ADAM9: variants seen among roughly 807,000 people sequenced by gnomAD.
ADAM9 encodes ADAM metallopeptidase domain 9.
In ADAM9, 54 loss-of-function variants were observed where a neutral mutation model predicts 108.1. That is an observed-to-expected ratio of 0.50 (90% CI 0.40 to 0.63). The LOEUF (loss-of-function observed/expected upper bound fraction) is 0.63, where lower values mean the gene tolerates loss of function less well. ADAM9 is among the 20% of genes least tolerant of loss of function. The pLI, the probability that ADAM9 is intolerant of heterozygous loss-of-function variation, is 0.00. For missense variants in ADAM9, 830 were observed against 997.7 expected (o/e 0.83, Z 2.26); for synonymous variants, 316 against 336.0 (o/e 0.94, Z 0.65).
intron 20 of ADAM9, among the ~76,000 whole-genome samples, chr8:39,092,861 G>A (rs1839397971): frequency 6.6e-6 from 1 of 152,126 alleles, no homozygotes; most frequent in Non-Finnish European, 1.5e-5. Context: ...ATTAATTGAA[G>A]TGACTGTCCC....
At chr8:39,066,678 A>G (rs1417295448) in intron 14 of ADAM9, among the ~76,000 whole-genome samples, 1 of 152,170 alleles carries the variant, frequency 6.6e-6, no homozygotes, top group Non-Finnish European at 1.5e-5. Flanking sequence ...TAGATTGCAA[A>G]AATTTTCTCT....
chr8:39,088,398 G>T (rs1177097928), intron 18 of ADAM9, among the ~76,000 whole-genome samples: 1 of 152,014 alleles, frequency 6.6e-6, no homozygotes, highest in East Asian at 1.9e-4. Flanking sequence ...GGGACTACAG[G>T]CGCCTGCCAC....
intron 4 of ADAM9, chr8:39,014,461 A>T (rs539344713): frequency 1.5e-6 from 1 of 670,612 alleles, no homozygotes; most frequent in Non-Finnish European, 2.7e-6. Context: ...AATGTTCTAA[A>T]TTTTTTCTGA....
intron 19 of ADAM9, among the ~76,000 whole-genome samples, chr8:39,090,999 G>A (rs563208012): frequency 3.3e-5 from 5 of 152,188 alleles, no homozygotes; most frequent in Admixed American, 3.3e-4. Flanking sequence ...GGGAACATTG[G>A]CCTAATTGAC....
intron 14 of ADAM9, among the ~76,000 whole-genome samples, chr8:39,057,880 A>C (rs1338355638): frequency 6.6e-6 from 1 of 152,090 alleles, no homozygotes; most frequent in Non-Finnish European, 1.5e-5. Flanking sequence ...GGCTCAGTCA[A>C]ATTAACTCTA....
chr8:39,097,634 A>T lies in ADAM9; in HGVS notation c.2299-4229A>T, dbSNP rs186123445. 5.6e-3 allele frequency among the ~76,000 whole-genome samples: 853 copies of T among 151,974 alleles called. 4 individuals are homozygous for T. Among genetic ancestry groups the T allele is most frequent in the Admixed American group, 9.0e-3 (138 of 15,258 alleles). On this transcript the variant is annotated intron_variant, in intron 20 of 21. Transcript: ENST00000487273. ...GTCTAGTATTTTAAGTCTTTTTTTTAAAAAAATTCTACAATATAGATATGA... is the reference window on the plus strand; with the variant it reads ...GTCTAGTATTTTAAGTCTTTTTTTTTAAAAAATTCTACAATATAGATATGA...
At chr8:39,030,978 G>A (rs909919690) in intron 11 of ADAM9, among the ~76,000 whole-genome samples, 2 of 152,164 alleles carry the variant, frequency 1.3e-5, no homozygotes, top group African/African-American at 4.8e-5. Flanking sequence ...CTTTGGATAA[G>A]AGTCTTTTAT....
intron 11 of ADAM9, among the ~76,000 whole-genome samples, chr8:39,037,177 C>T (rs1482441624): frequency 2.7e-5 from 4 of 148,998 alleles, no homozygotes; most frequent in Admixed American, 6.7e-5. Flanking sequence ...CTGCCTCAGC[C>T]TCTCTGAGTA....
chr8:39,104,397 ATAT>A lies in ADAM9; in HGVS notation c.*700_*702del, dbSNP rs886062927. The A allele has an allele frequency of 1.6e-5, 7 of 436,310 alleles. No individual in the cohort carries two copies. The highest frequency in any genetic ancestry group is 2.8e-5 in the Non-Finnish European group (6 of 217,678). The allele number at this position is 436,310 out of a possible 1,614,324, so 27.0% of individuals were successfully genotyped here. On this transcript the variant is annotated 3_prime_UTR_variant, in exon 22 of 22. Transcript: ENST00000487273. The stretch of plus-strand genomic sequence containing the variant: ...AATAACTCTTAGAGAAATTAATTTA[ATAT>A]TAGAATTTCTATTATGAATCATGTG...
chr8:39,075,441 G>A (rs570439318), intron 15 of ADAM9, among the ~76,000 whole-genome samples: 70 of 152,220 alleles, frequency 4.6e-4, no homozygotes, highest in African/African-American at 1.6e-3. Context: ...CCTGACCAGT[G>A]TTTCACTTTA....
Position 39,082,738 on chromosome 8 carries a change from T to TTTGGC in ADAM9, c.1962+21_1962+25dup. On this transcript the variant is annotated intron_variant, in intron 17 of 21. Coordinates refer to ENST00000487273, the MANE Select transcript of ADAM9 (RefSeq NM_003816.3). The stretch of plus-strand genomic sequence containing the variant: ...GGACATGGGGTAGGTAATGTTTTCT[T>TTTGGC]TTGGCTTGTTCCTGAAAGTAGTGCT... 1 of 1,606,494 alleles carries TTTGGC rather than the reference T, an allele frequency of 6.2e-7. No homozygotes were observed. Among genetic ancestry groups the TTTGGC allele is most frequent in the South Asian group, 1.1e-5 (1 of 90,916 alleles).
chr8:39,014,294 G>T (rs376641202), intron 4 of ADAM9: 2 of 563,332 alleles, frequency 3.6e-6, no homozygotes, highest in Non-Finnish European at 6.2e-6. Context: ...CTATTTAATG[G>T]TAATCCTTAC....
intron 1 of ADAM9, among the ~76,000 whole-genome samples, chr8:39,001,206 A>C (rs548570026): frequency 1.8e-4 from 27 of 152,242 alleles, no homozygotes; most frequent in Non-Finnish European, 3.7e-4. Flanking sequence ...CAATACAATG[A>C]AATACGATTT....
At chr8:39,014,279 ATCT>A (rs751497733) in intron 4 of ADAM9, 2 of 567,838 alleles carry the variant, frequency 3.5e-6, no homozygotes, top group Non-Finnish European at 6.2e-6. Context: ...AGGAAAATAA[ATCT>A]TCTATTTAAT....
At chr8:39,035,943 T>C (rs1837258878) in intron 11 of ADAM9, among the ~76,000 whole-genome samples, 1 of 152,234 alleles carries the variant, frequency 6.6e-6, no homozygotes, top group Non-Finnish European at 1.5e-5. Flanking sequence ...CAAGCTGATA[T>C]TAAACTTTCT....
intron 12 of ADAM9, among the ~76,000 whole-genome samples, chr8:39,043,787 A>C (rs1229374607): frequency 2.0e-5 from 3 of 152,010 alleles, no homozygotes; most frequent in Non-Finnish European, 4.4e-5. Context: ...CCATGCTCCC[A>C]CTTTTTGGGG....
rs1837609365 is a variant in ADAM9, at chr8:39,045,081, T to TATGTGTGCGC, written c.1302+2964_1302+2965insATGTGTGCGC. On this transcript the variant is annotated intron_variant, in intron 12 of 21. Coordinates refer to ENST00000487273, the MANE Select transcript of ADAM9 (RefSeq NM_003816.3). ...GTGTGCATACATACATATGTGTGTG[T>TATGTGTGCGC]GCATACATACATATGTGTGTGTGCA... 9.8e-5 allele frequency among the ~76,000 whole-genome samples: 3 copies of TATGTGTGCGC among 30,482 alleles called. 1 individual carries two copies. Among genetic ancestry groups the TATGTGTGCGC allele is most frequent in the African/African-American group, 4.0e-4 (3 of 7,482 alleles). The allele number at this position is 30,482 out of a possible 152,430, so 20.0% of individuals were successfully genotyped here.
rs1216705288 is a variant in ADAM9, at chr8:39,105,039, T to TA, written c.*1341dup. 1 of 411,140 alleles carries TA rather than the reference T, an allele frequency of 2.4e-6. No individual in the cohort carries two copies. 25.5% of individuals were successfully genotyped at this position (411,140 alleles called of 1,614,324 possible). A position where few individuals can be genotyped will look rare whatever the true frequency, so the allele number is the denominator to read the frequency against. ...TAGTAGCTTCCTACTCAACTATTTA[T>TA]AATCTCATTAATTAAAAAGTTATAA... On this transcript the variant is annotated 3_prime_UTR_variant, in exon 22 of 22. Coordinates refer to ENST00000487273, the MANE Select transcript of ADAM9 (RefSeq NM_003816.3).
intron 16 of ADAM9, among the ~76,000 whole-genome samples, chr8:39,079,594 A>AATTTTTTTTTTTT (rs1451422531): frequency 7.0e-6 from 1 of 142,200 alleles, no homozygotes. Flanking sequence ...AATATCATGA[A>AATTTTTTTTTTTT]TTTTTTTTTT....
Sources: gnomAD v4.1 joint callset for allele counts (sites outside exome capture counted in the v4.1 genomes callset) on GRCh38, gnomAD v4.1.1 for gene constraint, MANE v1.5 for transcripts, NCBI Gene and HGNC (gene_info 2026-07-23, HGNC 2026-07-21) for gene names.